The following CHCHD6 variants were observed in gnomAD, a reference collection of about 807,000 sequenced individuals.
The protein encoded by CHCHD6 is MICOS complex subunit MIC25.
In CHCHD6, 28 loss-of-function variants were observed where a neutral mutation model predicts 32.3. That is an observed-to-expected ratio of 0.87 (90% confidence interval 0.64 to 1.19). The LOEUF (loss-of-function observed/expected upper bound fraction) is 1.19. Ranked by LOEUF, CHCHD6 falls within the 50% of genes most tolerant of loss-of-function variation. The probability of loss-of-function intolerance (pLI) is 0.00; values close to 1 mark genes in which losing one functional copy is unlikely to be tolerated. For synonymous variants in CHCHD6, 122 were observed against 117.5 expected (o/e 1.04, Z -0.25); for missense variants, 333 against 307.0 (o/e 1.08, Z -0.63).
At chr3:126,762,195 G>A (rs1244961881) in intron 4 of CHCHD6, among the ~76,000 whole-genome samples, 1 of 151,952 alleles carries the variant, frequency 6.6e-6, no homozygotes, top group African/African-American at 2.4e-5. Flanking sequence ...CCAGCTTTGG[G>A]TTTAGTTTAC....
chr3:126,759,898 CA>C lies in CHCHD6; in HGVS notation c.411+26677del, dbSNP rs1347527283. Among the ~76,000 whole-genome samples the C allele has an allele frequency of 7.9e-5, 12 of 152,268 alleles. No individual in the cohort carries two copies. In the East Asian group the frequency reaches 2.3e-3, roughly 29 times the overall value. ...TCTGAAGGCTGTACAGGAAGCATGG[CA>C]CTAGCATCTGCTCGCTTTTGGAGAG... On this transcript the variant is annotated intron_variant, in intron 4 of 7. Transcript: ENST00000290913.
chr3:126,788,257 G>A (rs1938329942), intron 4 of CHCHD6, among the ~76,000 whole-genome samples: 1 of 152,172 alleles, frequency 6.6e-6, no homozygotes, highest in Admixed American at 6.5e-5. Context: ...TCGCATTGAT[G>A]TTCTTCAGGG....
chr3:126,853,518 T>C (rs1439444642), intron 5 of CHCHD6, among the ~76,000 whole-genome samples: 1 of 152,178 alleles, frequency 6.6e-6, no homozygotes, highest in African/African-American at 2.4e-5. Flanking sequence ...GACAGTTTGC[T>C]TGAGGGGCCT....
intron 6 of CHCHD6, among the ~76,000 whole-genome samples, chr3:126,931,818 A>C (rs1167005699): frequency 6.6e-6 from 1 of 152,172 alleles, no homozygotes; most frequent in Non-Finnish European, 1.5e-5. Context: ...TGTATTCTGC[A>C]CTTGAAAAGA....
rs367676669 is a variant in CHCHD6 at position 126,733,206 on chromosome 3, A to G, written c.395A>G (p.Gln132Arg). Residue 132 changes from glutamine (Q) to arginine (R), a missense_variant, in exon 4 of 8, where the codon CAG (glutamine) becomes CGG (arginine). Gln to Arg is a conservative substitution (Grantham distance 43, BLOSUM62 1). Coordinates refer to ENST00000290913, the MANE Select transcript of CHCHD6 (RefSeq NM_032343.3). ...GAAGGCAGCATCAGCCATGAGGAGC[A>G]GAAGTCAGTCCGGCTGGTGAGTGCA... The part of the protein sequence containing the change: ...TGEGSISHEE[Q>R]KSVRLARELE... The G allele has an allele frequency of 3.7e-6, 6 of 1,613,938 alleles. No individual in the cohort carries two copies. Among genetic ancestry groups the G allele is most frequent in the Non-Finnish European group, 5.1e-6 (6 of 1,179,982 alleles).
intron 4 of CHCHD6, among the ~76,000 whole-genome samples, chr3:126,783,942 T>C (rs970295711): frequency 2.6e-5 from 4 of 152,098 alleles, no homozygotes; most frequent in Non-Finnish European, 5.9e-5. Context: ...TCAATACTTT[T>C]GGGGGAGGGT....
chr3:126,930,759 CT>C (rs755520521), intron 6 of CHCHD6, among the ~76,000 whole-genome samples: 40 of 152,234 alleles, frequency 2.6e-4, no homozygotes, highest in East Asian at 1.7e-3. Context: ...ATCCCTACCC[CT>C]TCCCTTCTCT....
intron 6 of CHCHD6, among the ~76,000 whole-genome samples, chr3:126,915,103 G>A (rs2078150233): frequency 6.6e-6 from 1 of 152,228 alleles, no homozygotes; most frequent in African/African-American, 2.4e-5. Flanking sequence ...GGGTTCTGCT[G>A]GCTTCTCTCC....
At chr3:126,896,328 T>C (rs2077838549) in intron 5 of CHCHD6, among the ~76,000 whole-genome samples, 2 of 152,212 alleles carry the variant, frequency 1.3e-5, no homozygotes, top group South Asian at 2.1e-4. Flanking sequence ...AAAAGTACTT[T>C]AGTTAGATTG....
At chr3:126,955,620 C>T (rs1014860650) in intron 6 of CHCHD6, among the ~76,000 whole-genome samples, 1 of 152,222 alleles carries the variant, frequency 6.6e-6, no homozygotes, top group Non-Finnish European at 1.5e-5. Context: ...CACCCCACCC[C>T]ACACTCATCC....
At chr3:126,778,567 G>A (rs1937767395) in intron 4 of CHCHD6, among the ~76,000 whole-genome samples, 1 of 152,066 alleles carries the variant, frequency 6.6e-6, no homozygotes, top group Non-Finnish European at 1.5e-5. Flanking sequence ...ATCTTTTTTG[G>A]AGAAATGTCT....
chr3:126,866,683 T>G (rs995266917), intron 5 of CHCHD6, among the ~76,000 whole-genome samples: 2 of 152,352 alleles, frequency 1.3e-5, no homozygotes, highest in East Asian at 3.9e-4. Context: ...TTACCCTAAG[T>G]GGAACAGTGC....
At chr3:126,793,666 T>G (rs1938658819) in intron 4 of CHCHD6, among the ~76,000 whole-genome samples, 1 of 152,204 alleles carries the variant, frequency 6.6e-6, no homozygotes, top group African/African-American at 2.4e-5. Context: ...TTGTTCTTTC[T>G]TCATTCCAAA....
chr3:126,885,540 T>G (rs561723877), intron 5 of CHCHD6, among the ~76,000 whole-genome samples: 1 of 152,332 alleles, frequency 6.6e-6, no homozygotes, highest in Non-Finnish European at 1.5e-5. Context: ...GAAAAATGTT[T>G]TGTGTAAAAA....
chr3:126,786,201 C>T (rs1938202461), intron 4 of CHCHD6, among the ~76,000 whole-genome samples: 1 of 152,112 alleles, frequency 6.6e-6, no homozygotes, highest in Non-Finnish European at 1.5e-5. Flanking sequence ...TGTATATGTG[C>T]CACATTTTCT....
chr3:126,749,915 A>G (rs1225951320), intron 4 of CHCHD6, among the ~76,000 whole-genome samples: 1 of 152,170 alleles, frequency 6.6e-6, no homozygotes, highest in Non-Finnish European at 1.5e-5. Context: ...TGGGGGGACA[A>G]TTGGAAATCC....
At chr3:126,901,546 C>T (rs1452801185) in intron 5 of CHCHD6, among the ~76,000 whole-genome samples, 3 of 152,182 alleles carry the variant, frequency 2.0e-5, no homozygotes, top group Non-Finnish European at 2.9e-5. Context: ...GCTAAAGAGG[C>T]CACCAACAGG....
rs542095297 is a variant in CHCHD6, at chr3:126,943,907, G to A, written c.567-13509G>A. 2.6e-5 allele frequency among the ~76,000 whole-genome samples: 4 copies of A among 152,288 alleles called. No individual in the cohort carries two copies. The East Asian group carries it at 7.7e-4, about 29-fold the overall frequency. ...TGCCAGCTGATAAAACACTATCGCA[G>A]CTTAAAAAACTATGAACTTCATGAA... On this transcript the variant is annotated intron_variant, in intron 6 of 7. Coordinates refer to ENST00000290913, the MANE Select transcript of CHCHD6 (RefSeq NM_032343.3).
At chr3:126,858,785 C>G (rs1941753456) in intron 5 of CHCHD6, among the ~76,000 whole-genome samples, 1 of 152,200 alleles carries the variant, frequency 6.6e-6, no homozygotes. Context: ...CCTCTTCTGA[C>G]CAGGTTGCTC....
Sources: allele counts gnomAD v4.1 joint callset (sites outside exome capture counted in the v4.1 genomes callset), GRCh38; gene constraint gnomAD v4.1.1; transcripts MANE v1.5; gene names NCBI Gene and HGNC (gene_info 2026-07-23, HGNC 2026-07-21).